The following DCDC1 variants were observed in gnomAD, a reference collection of about 807,000 sequenced individuals.
DCDC1 encodes the protein doublecortin domain containing 1, also known as doublecortin domain-containing protein 1.
DCDC1 carries 200 observed loss-of-function variants against 178.3 expected under a neutral mutation model. The observed-to-expected ratio is 1.12, with a 90% CI of 1.00 to 1.26. The LOEUF (loss-of-function observed/expected upper bound fraction) is 1.26. Ranked by LOEUF, DCDC1 falls within the 50% of genes most tolerant of loss-of-function variation. The probability of loss-of-function intolerance (pLI) is 0.00; values close to 1 mark genes in which losing one functional copy is unlikely to be tolerated. For synonymous variants in DCDC1, 690 were observed against 604.8 expected, an observed-to-expected ratio of 1.14 and a Z score of -2.07; for missense variants, 1,983 against 1,749.2, an observed-to-expected ratio of 1.13 and a Z score of -2.38.
intron 6 of DCDC1, among the ~76,000 whole-genome samples, chr11:31,296,172 C>A (rs766021008): frequency 8.5e-5 from 13 of 152,148 alleles, no homozygotes; most frequent in Non-Finnish European, 1.3e-4. Flanking sequence ...ATCCTATGTG[C>A]CAGATTCTGT....
chr11:30,945,964 T>C (rs1340813426), intron 21 of DCDC1, among the ~76,000 whole-genome samples: 2 of 152,148 alleles, frequency 1.3e-5, no homozygotes, highest in Non-Finnish European at 2.9e-5. Flanking sequence ...GTTCGTTTTT[T>C]AGCTCTGTCC....
At chr11:31,197,239 TA>T (rs1257666496) in intron 9 of DCDC1, among the ~76,000 whole-genome samples, 1 of 152,078 alleles carries the variant, frequency 6.6e-6, no homozygotes. Flanking sequence ...ACATTCAACA[TA>T]AAAAAGTCCA....
chr11:30,894,227 C>A, intron 35 of DCDC1, 21 bp downstream of exon 35: 1 of 1,600,970 alleles, frequency 6.2e-7, no homozygotes, highest in Non-Finnish European at 8.5e-7. Context: ...TCTTTAATGT[C>A]CAGAATCCCA....
intron 9 of DCDC1, among the ~76,000 whole-genome samples, chr11:31,221,969 A>C (rs2136674918): frequency 6.6e-6 from 1 of 152,276 alleles, no homozygotes; most frequent in Non-Finnish European, 1.5e-5. Context: ...ATCACTTGTA[A>C]GTTCTACCTT....
intron 9 of DCDC1, among the ~76,000 whole-genome samples, chr11:31,144,682 T>A (rs542195588): frequency 4.2e-4 from 64 of 152,276 alleles, no homozygotes; most frequent in Non-Finnish European, 6.8e-4. Context: ...TTTCTATGTA[T>A]TTTCTTTTGC....
At chr11:30,961,585 AAGATAATAGCACTT>A (rs1482416895) in intron 20 of DCDC1, among the ~76,000 whole-genome samples, 2 of 152,080 alleles carry the variant, frequency 1.3e-5, no homozygotes, top group Non-Finnish European at 2.9e-5. Context: ...CCTAAGCAAC[AAGATAATAGCACTT>A]AGAATGTATT....
intron 21 of DCDC1, among the ~76,000 whole-genome samples, chr11:30,934,680 A>G (rs542090330): frequency 2.0e-5 from 3 of 152,206 alleles, no homozygotes; most frequent in Admixed American, 6.5e-5. Context: ...ATCCTGGCAT[A>G]GAGCCAACAT....
intron 17 of DCDC1, among the ~76,000 whole-genome samples, chr11:31,087,824 A>C (rs1312791656): frequency 6.6e-6 from 1 of 152,174 alleles, no homozygotes; most frequent in Non-Finnish European, 1.5e-5. Context: ...TTCTATAAAT[A>C]TCAATTAGGT....
chr11:30,937,342 C>G (rs190544641), intron 21 of DCDC1, among the ~76,000 whole-genome samples: 1 of 152,204 alleles, frequency 6.6e-6, no homozygotes, highest in East Asian at 1.9e-4. Flanking sequence ...CAGGTCCCAC[C>G]TTCAAATTTA....
intron 37 of DCDC1, 88 bp from the exon 38 acceptor site, chr11:30,878,799 A>C (rs1334215290): frequency 7.8e-7 from 1 of 1,290,154 alleles, no homozygotes; most frequent in Non-Finnish European, 1.0e-6. Context: ...AAACTTGAAG[A>C]CCCCTCACAA....
At chr11:31,034,274 TA>T (rs1953871791) in intron 20 of DCDC1, among the ~76,000 whole-genome samples, 1 of 140,854 alleles carries the variant, frequency 7.1e-6, no homozygotes, top group East Asian at 2.0e-4. Flanking sequence ...GAGTCAAAGT[TA>T]AAAAAATTTA....
At position 31,119,008 on chromosome 11, in the gene DCDC1, T is replaced by C. The variant is rs574666956; in HGVS notation, c.1485+8461A>G. 1.5e-4 allele frequency among the ~76,000 whole-genome samples: 23 copies of C among 151,952 alleles called. No homozygotes were observed. The East Asian group carries it at 4.1e-3, about 27-fold the overall frequency. On this transcript the variant is annotated intron_variant, in intron 11 of 38. Coordinates refer to ENST00000684477, the MANE Select transcript of DCDC1 (RefSeq NM_001387274.1). ...AGGTAGTATGAATATACTGGCATTT[T>C]CCCCCCAAAATCCACAAAGAGGAGG...
rs560951410 is a variant in DCDC1, at chr11:31,010,008, TG to T, written c.2591+54460del. Among the ~76,000 whole-genome samples the T allele has an allele frequency of 2.4e-4, 37 of 152,330 alleles. 1 individual carries two copies. In the East Asian group the frequency reaches 7.2e-3, roughly 29 times the overall value. ...ACAGCATGATTCAATTACCTCCCAC[TG>T]GGTCCCTTGCCCAACATGTGAGGAT... On this transcript the variant is annotated intron_variant, in intron 20 of 38. Coordinates refer to ENST00000684477, the MANE Select transcript of DCDC1 (RefSeq NM_001387274.1).
chr11:31,027,330 A>T (rs1953307528), intron 20 of DCDC1, among the ~76,000 whole-genome samples: 1 of 151,800 alleles, frequency 6.6e-6, no homozygotes, highest in Non-Finnish European at 1.5e-5. Flanking sequence ...ATAAAAATTC[A>T]AGTCTCCACT....
intron 6 of DCDC1, among the ~76,000 whole-genome samples, chr11:31,292,766 G>A (rs1416342536): frequency 1.3e-5 from 2 of 151,912 alleles, no homozygotes; most frequent in South Asian, 2.1e-4. Context: ...TTTGCATTAT[G>A]TGACCTCAAT....
rs185041915 is a variant in DCDC1, at chr11:30,977,975, T to C, written c.2592-25407A>G. On this transcript the variant is annotated intron_variant, in intron 20 of 38. Coordinates refer to ENST00000684477, the MANE Select transcript of DCDC1 (RefSeq NM_001387274.1). Reference sequence around the variant, plus strand: ...GAAATGTAATTGCTAAGTCAAAGAATATTAGCACTTAAAGTGATTGATGTA... The same window carrying C: ...GAAATGTAATTGCTAAGTCAAAGAACATTAGCACTTAAAGTGATTGATGTA... 7.9e-5 allele frequency among the ~76,000 whole-genome samples: 12 copies of C among 152,324 alleles called. No individual in the cohort carries two copies. In the East Asian group the frequency reaches 2.3e-3, roughly 29 times the overall value.
chr11:31,305,652 C>G lies in DCDC1; in HGVS notation c.717G>C (p.Thr239=), dbSNP rs773867458. ...TGAATGGATTTAAAAAGGGCTCTCC[C>G]GTTGAAACATAAACATCGGCTTCAT... ...IPHEADVYVS[T]GEPFLNPFKK... Residue 239 remains threonine (T), a synonymous_variant, in exon 6 of 39, where the codon ACG becomes ACC. Transcript: ENST00000684477. 9 of 1,613,586 alleles carry G rather than the reference C, an allele frequency of 5.6e-6. No individual in the cohort carries two copies. The highest frequency in any genetic ancestry group is 7.6e-6 in the Non-Finnish European group (9 of 1,179,780).
chr11:31,009,953 T>A (rs1299084911), intron 20 of DCDC1, among the ~76,000 whole-genome samples: 1 of 152,136 alleles, frequency 6.6e-6, no homozygotes, highest in East Asian at 1.9e-4. Flanking sequence ...AACCATCAGA[T>A]CCTGTGAGAA....
At chr11:30,973,515 T>A (rs1949929591) in intron 20 of DCDC1, among the ~76,000 whole-genome samples, 1 of 152,152 alleles carries the variant, frequency 6.6e-6, no homozygotes, top group Non-Finnish European at 1.5e-5. Flanking sequence ...GAAACTCACT[T>A]TATCTATAAA....
Sources: gnomAD v4.1 joint callset for allele counts (sites outside exome capture counted in the v4.1 genomes callset) on GRCh38, gnomAD v4.1.1 for gene constraint, MANE v1.5 for transcripts, NCBI Gene and HGNC (gene_info 2026-07-23, HGNC 2026-07-21) for gene names.